IGFBP2: variants seen among roughly 807,000 people sequenced by gnomAD.
IGFBP2 encodes insulin like growth factor binding protein 2.
IGFBP2 carries 12 observed loss-of-function variants against 26.2 expected under a neutral mutation model. That is an observed-to-expected ratio of 0.46 (90% CI 0.29 to 0.74). The LOEUF (loss-of-function observed/expected upper bound fraction) is 0.74. Ranked by LOEUF, IGFBP2 falls within the 30% of genes least tolerant of loss-of-function variation. IGFBP2 has a pLI of 0.09. For synonymous variants in IGFBP2, 189 were observed against 200.6 expected (o/e 0.94, Z 0.49); for missense variants, 328 against 441.2 (o/e 0.74, Z 2.30).
chr2:216,646,756 C>T (rs552729954), intron 1 of IGFBP2, among the ~76,000 whole-genome samples: 49 of 152,282 alleles, frequency 3.2e-4, no homozygotes, highest in South Asian at 2.1e-3. Context: ...TTCACTATCA[C>T]GAGAACAGCA....
At chr2:216,662,419 C>T (rs1688676167) in intron 3 of IGFBP2, 1 of 182,128 alleles carries the variant, frequency 5.5e-6, no homozygotes. Context: ...CTGTGAGCCA[C>T]ACTCCCACCA....
chr2:216,642,448 A>G (rs749624280), intron 1 of IGFBP2, among the ~76,000 whole-genome samples: 6 of 150,076 alleles, frequency 4.0e-5, no homozygotes, highest in Non-Finnish European at 8.9e-5. Context: ...CTGGGACTAC[A>G]GGCGCACGCC....
Position 216,633,811 on chromosome 2 carries a change from G to A in IGFBP2, c.288G>A (p.Glu96=). The change falls in exon 1 of 4, where the codon GAG becomes GAA. Residue 96 remains glutamate (E), a synonymous_variant. Transcript: ENST00000233809. ...CCSVCARLEG[E]ACGVYTPRCG... is the part of the protein sequence containing the mutation. ...CGGTGTGCGCCCGGCTGGAGGGCGA[G>A]GCGTGCGGCGTCTACACCCCGCGCT... 2 of 1,515,980 alleles carry A rather than the reference G, an allele frequency of 1.3e-6. No homozygotes were observed. The allele number at this position is 1,515,980 out of a possible 1,614,324, so 93.9% of individuals were successfully genotyped here.
At chr2:216,645,902 A>G (rs972170497) in intron 1 of IGFBP2, among the ~76,000 whole-genome samples, 1 of 152,202 alleles carries the variant, frequency 6.6e-6, no homozygotes, top group Non-Finnish European at 1.5e-5. Context: ...TTTATGCCCC[A>G]GAAGTTAGGA....
intron 1 of IGFBP2, among the ~76,000 whole-genome samples, chr2:216,654,354 C>T (rs1345959370): frequency 6.6e-6 from 1 of 152,184 alleles, no homozygotes; most frequent in Non-Finnish European, 1.5e-5. Flanking sequence ...GGCAGCATCT[C>T]TTTGGATCCT....
intron 1 of IGFBP2, chr2:216,659,728 C>T (rs748549192): frequency 1.8e-5 from 27 of 1,535,480 alleles, no homozygotes; most frequent in East Asian, 1.2e-4. Context: ...ACAGACATCA[C>T]GAAGCTTCAT....
intron 1 of IGFBP2, among the ~76,000 whole-genome samples, chr2:216,635,293 C>T (rs896702940): frequency 1.3e-5 from 2 of 152,132 alleles, no homozygotes; most frequent in Non-Finnish European, 2.9e-5. Flanking sequence ...TCTTCTCCCT[C>T]GGCTCGCTTC....
intron 1 of IGFBP2, among the ~76,000 whole-genome samples, chr2:216,657,735 G>A (rs1376508933): frequency 6.6e-6 from 1 of 152,202 alleles, no homozygotes; most frequent in Non-Finnish European, 1.5e-5. Flanking sequence ...GGAGGCGCAC[G>A]CTAAATCGGC....
At chr2:216,651,330 C>T (rs781141564) in intron 1 of IGFBP2, among the ~76,000 whole-genome samples, 2 of 152,142 alleles carry the variant, frequency 1.3e-5, no homozygotes, top group African/African-American at 2.4e-5. Context: ...GTTTGGTGAC[C>T]ACCATCAGCC....
At chr2:216,649,855 C>T (rs550417957) in intron 1 of IGFBP2, among the ~76,000 whole-genome samples, 13 of 151,966 alleles carry the variant, frequency 8.6e-5, no homozygotes, top group South Asian at 2.1e-4. Context: ...GGGGGGAGCC[C>T]GAGATGAGAT....
At chr2:216,639,321 C>A (rs1007516346) in intron 1 of IGFBP2, among the ~76,000 whole-genome samples, 9 of 152,160 alleles carry the variant, frequency 5.9e-5, no homozygotes, top group African/African-American at 1.9e-4. Flanking sequence ...CAGGCATGAG[C>A]TACCGCACCT....
At position 216,660,687 on chromosome 2, in the gene IGFBP2, C is replaced by T. The variant is rs1480375169; in HGVS notation, c.573C>T (p.Phe191=). Residue 191 remains phenylalanine (F), a synonymous_variant, in exon 2 of 4, where the codon TTC becomes TTT. Coordinates refer to ENST00000233809, the MANE Select transcript of IGFBP2 (RefSeq NM_000597.3). ...CGGGTATGAAGGAGCTGGCCGTGTT[C>T]CGGGAGAAGGTCACTGAGCAGCACC... ...LKSGMKELAV[F]REKVTEQHRQ... is the part of the protein sequence containing the mutation. 4 of 1,613,920 alleles carry T rather than the reference C, an allele frequency of 2.5e-6. No homozygotes were observed. In the South Asian group the frequency reaches 4.4e-5, roughly 18 times the overall value.
At chr2:216,661,619 C>A in intron 2 of IGFBP2, 1 of 594,502 alleles carries the variant, frequency 1.7e-6, no homozygotes, top group Non-Finnish European at 3.0e-6. Context: ...GGTCACAGAA[C>A]AAGGAGAGGA....
At chr2:216,652,230 A>G (rs1697840711) in intron 1 of IGFBP2, among the ~76,000 whole-genome samples, 6 of 149,824 alleles carry the variant, frequency 4.0e-5, no homozygotes, top group Admixed American at 3.3e-4. Flanking sequence ...CTGGAGCGCA[A>G]TGGCGCGATC....
rs146392546 is a variant in IGFBP2, at chr2:216,642,802, G to A, written c.442+8837G>A. 2.7e-3 allele frequency among the ~76,000 whole-genome samples: 417 copies of A among 152,270 alleles called. 1 individual carries two copies. Among genetic ancestry groups the A allele is most frequent in the Middle Eastern group, 6.8e-3 (2 of 294 alleles). ...ATGCTGGCCTTGCTGCTCATAAGCAGGTAACACAGGGTTGAGTTCCTCCTT... is the reference window on the plus strand; with the variant it reads ...ATGCTGGCCTTGCTGCTCATAAGCAAGTAACACAGGGTTGAGTTCCTCCTT... On this transcript the variant is annotated intron_variant, in intron 1 of 3. Transcript: ENST00000233809.
chr2:216,634,073 T>C, intron 1 of IGFBP2, 108 bp downstream of exon 1: 3 of 1,412,156 alleles, frequency 2.1e-6, no homozygotes, highest in Non-Finnish European at 1.9e-6. Context: ...AGCCGAGACC[T>C]TGGACCAAAT....
intron 1 of IGFBP2, among the ~76,000 whole-genome samples, chr2:216,654,060 A>G (rs1697874012): frequency 6.6e-6 from 1 of 152,100 alleles, no homozygotes; most frequent in South Asian, 2.1e-4. Flanking sequence ...ATTATTCTGA[A>G]CTTAACTCTC....
chr2:216,658,692 G>T (rs1020719834), intron 1 of IGFBP2, among the ~76,000 whole-genome samples: 3 of 152,082 alleles, frequency 2.0e-5, no homozygotes, highest in Non-Finnish European at 4.4e-5. Flanking sequence ...TGGGATTACA[G>T]GTGTGTGCCA....
intron 1 of IGFBP2, among the ~76,000 whole-genome samples, chr2:216,638,478 C>T (rs9341119): frequency 0.071 from 10,719 of 151,892 alleles, 420 homozygotes; most frequent in African/African-American, 0.09. Flanking sequence ...CCACTCCAGC[C>T]TGGGCAACAA....
Sources: allele counts gnomAD v4.1 joint callset (sites outside exome capture counted in the v4.1 genomes callset), GRCh38; gene constraint gnomAD v4.1.1; transcripts MANE v1.5; gene names NCBI Gene and HGNC (gene_info 2026-07-23, HGNC 2026-07-21).